The following PTPRD variants were observed in gnomAD, a reference collection of about 807,000 sequenced individuals.
PTPRD encodes the protein receptor-type tyrosine-protein phosphatase delta.
Under a neutral mutation model 214.5 loss-of-function variants are expected in PTPRD, and 34 were observed. That is an observed-to-expected ratio of 0.16 (90% CI 0.12 to 0.21). The LOEUF (loss-of-function observed/expected upper bound fraction) is 0.21. PTPRD is among the 10% of genes least tolerant of loss of function. PTPRD has a pLI of 1.00. For synonymous variants in PTPRD, 1,128 were observed against 845.7 expected (o/e 1.33, Z -5.79); for missense variants, 2,545 against 2,398.7 (o/e 1.06, Z -1.27).
intron 2 of PTPRD, among the ~76,000 whole-genome samples, chr9:10,493,640 G>A (rs1419746456): frequency 6.6e-6 from 1 of 151,990 alleles, no homozygotes; most frequent in Non-Finnish European, 1.5e-5. Context: ...GTTGAGGACT[G>A]TGTTTGCCTA....
rs529559393 is a variant in PTPRD, at chr9:10,219,017, C to A, written c.-545+121946G>T. 1.5e-4 allele frequency among the ~76,000 whole-genome samples: 23 copies of A among 151,812 alleles called. No individual in the cohort carries two copies. In the East Asian group the frequency reaches 4.5e-3, roughly 30 times the overall value. On this transcript the variant is annotated intron_variant, in intron 3 of 45. Transcript: ENST00000381196. ...TTACCCACTAACATTGAGCTAAAAA[C>A]AAACCGAGGCACCACTTGAAAGTTA...
intron 7 of PTPRD, among the ~76,000 whole-genome samples, chr9:9,676,290 C>T (rs2096928411): frequency 7.6e-6 from 1 of 131,292 alleles, no homozygotes; most frequent in African/African-American, 2.8e-5. Flanking sequence ...CCCCACCCCA[C>T]AACAGGCCCC....
intron 32 of PTPRD, among the ~76,000 whole-genome samples, chr9:8,464,113 C>T (rs1024360824): frequency 2.0e-5 from 3 of 151,884 alleles, no homozygotes; most frequent in Non-Finnish European, 2.9e-5. Flanking sequence ...AAAACACTAG[C>T]GGAAGACATC....
intron 18 of PTPRD, among the ~76,000 whole-genome samples, chr9:8,524,208 A>G (rs1280469829): frequency 6.6e-6 from 1 of 152,232 alleles, no homozygotes; most frequent in Non-Finnish European, 1.5e-5. Flanking sequence ...ATGAGAACAT[A>G]TGAATGTATC....
chr9:10,409,140 T>C (rs139015705), intron 2 of PTPRD, among the ~76,000 whole-genome samples: 10 of 151,900 alleles, frequency 6.6e-5, no homozygotes, highest in South Asian at 6.2e-4. Context: ...CATAAATATA[T>C]GTGGGCTACA....
chr9:10,372,250 T>C (rs1247497836), intron 2 of PTPRD, among the ~76,000 whole-genome samples: 2 of 152,292 alleles, frequency 1.3e-5, no homozygotes, highest in South Asian at 2.1e-4. Flanking sequence ...TACTTAGTAG[T>C]AATATGAAAT....
intron 11 of PTPRD, among the ~76,000 whole-genome samples, chr9:8,786,563 C>T (rs1440698262): frequency 1.3e-5 from 2 of 151,642 alleles, no homozygotes; most frequent in South Asian, 2.1e-4. Flanking sequence ...TACAGGCGCC[C>T]GCCACCACGC....
At chr9:9,594,543 T>A (rs1007938577) in intron 7 of PTPRD, among the ~76,000 whole-genome samples, 2 of 152,064 alleles carry the variant, frequency 1.3e-5, no homozygotes, top group Admixed American at 1.3e-4. Context: ...CTTTCCCAAT[T>A]TATGTTTTTG....
chr9:8,366,903 T>C (rs2080056797), intron 39 of PTPRD, among the ~76,000 whole-genome samples: 1 of 152,254 alleles, frequency 6.6e-6, no homozygotes, highest in African/African-American at 2.4e-5. Flanking sequence ...AAAGATTTAA[T>C]GCAACGCTGC....
At chr9:8,885,858 G>C (rs2098483234) in intron 11 of PTPRD, among the ~76,000 whole-genome samples, 1 of 152,048 alleles carries the variant, frequency 6.6e-6, no homozygotes. Context: ...CTATAATTAT[G>C]AACATAGAGA....
intron 11 of PTPRD, among the ~76,000 whole-genome samples, chr9:8,821,226 T>C (rs1386088464): frequency 1.3e-5 from 2 of 152,192 alleles, no homozygotes; most frequent in Non-Finnish European, 2.9e-5. Flanking sequence ...TCACAGTTGG[T>C]AGCTGGCCAC....
rs191188770 is a variant in PTPRD at position 10,542,353 on chromosome 9, T to C, written c.-600+70045A>G. Among the ~76,000 whole-genome samples, 200 of 152,284 alleles carry C rather than the reference T, an allele frequency of 1.3e-3. 1 individual carries two copies. Among genetic ancestry groups the C allele is most frequent in the African/African-American group, 4.3e-3 (178 of 41,570 alleles). On this transcript the variant is annotated intron_variant, in intron 2 of 45. Coordinates refer to ENST00000381196, the MANE Select transcript of PTPRD (RefSeq NM_002839.4). Reference sequence around the variant, plus strand: ...CTTGTTGCTTGGCTTTAAATTGCTATGTAAGGATTTAAAGAAAAGTACAAA... The same window carrying C: ...CTTGTTGCTTGGCTTTAAATTGCTACGTAAGGATTTAAAGAAAAGTACAAA...
At chr9:9,655,840 T>G (rs1039114917) in intron 7 of PTPRD, among the ~76,000 whole-genome samples, 8 of 151,388 alleles carry the variant, frequency 5.3e-5, no homozygotes, top group Non-Finnish European at 1.0e-4. Context: ...TAGCTGGGCG[T>G]GGTGGGAGGT....
chr9:10,503,352 G>A (rs1032738780), intron 2 of PTPRD, among the ~76,000 whole-genome samples: 4 of 151,828 alleles, frequency 2.6e-5, no homozygotes, highest in African/African-American at 9.7e-5. Context: ...AAGATTATAA[G>A]TTAGAGTTCA....
intron 4 of PTPRD, among the ~76,000 whole-genome samples, chr9:9,952,056 G>C (rs1197523193): frequency 6.6e-6 from 1 of 152,150 alleles, no homozygotes; most frequent in Non-Finnish European, 1.5e-5. Flanking sequence ...GTATTGAGGA[G>C]GGACAGAGGC....
At chr9:9,938,251 T>A (rs1020537571) in intron 5 of PTPRD, among the ~76,000 whole-genome samples, 2 of 152,176 alleles carry the variant, frequency 1.3e-5, no homozygotes, top group African/African-American at 2.4e-5. Context: ...GATATTTTGA[T>A]CCTCAGTTCA....
At chr9:9,710,825 T>C (rs1031761283) in intron 7 of PTPRD, among the ~76,000 whole-genome samples, 1 of 152,112 alleles carries the variant, frequency 6.6e-6, no homozygotes, top group African/African-American at 2.4e-5. Flanking sequence ...AATAATGTTA[T>C]TTCATTCAAT....
chr9:10,568,134 A>T (rs989974134), intron 2 of PTPRD, among the ~76,000 whole-genome samples: 1 of 103,814 alleles, frequency 9.6e-6, no homozygotes, highest in East Asian at 3.2e-4. Context: ...AGCCCACAAC[A>T]GTCCCCAGTG....
At chr9:10,044,819 T>C (rs1025401413) in intron 3 of PTPRD, among the ~76,000 whole-genome samples, 1 of 151,692 alleles carries the variant, frequency 6.6e-6, no homozygotes, top group Non-Finnish European at 1.5e-5. Context: ...TGCAACTTCA[T>C]TGGAATAGAC....
Sources: allele counts gnomAD v4.1 joint callset (sites outside exome capture counted in the v4.1 genomes callset), GRCh38; gene constraint gnomAD v4.1.1; transcripts MANE v1.5; gene names NCBI Gene and HGNC (gene_info 2026-07-23, HGNC 2026-07-21).